The following TRAPPC9 variants were observed in gnomAD, a reference collection of about 807,000 sequenced individuals.
The protein encoded by TRAPPC9 is trafficking protein particle complex subunit 9.
Under a neutral mutation model 124.0 loss-of-function variants are expected in TRAPPC9, and 83 were observed. The observed-to-expected ratio is 0.67, with a 90% CI of 0.56 to 0.80. The LOEUF (loss-of-function observed/expected upper bound fraction) is 0.80. Ranked by LOEUF, TRAPPC9 falls within the 30% of genes least tolerant of loss-of-function variation. The probability of loss-of-function intolerance (pLI) is 0.00; values close to 1 mark genes in which losing one functional copy is unlikely to be tolerated. For synonymous variants in TRAPPC9, 638 were observed against 617.5 expected (o/e 1.03, Z -0.49); for missense variants, 1,302 against 1,508.3 (o/e 0.86, Z 2.27).
At position 140,451,323 on chromosome 8, in the gene TRAPPC9, G is replaced by A. The variant is rs764844525; in HGVS notation, c.51C>T (p.Leu17=). 1.7e-5 allele frequency: 28 copies of A among 1,607,078 alleles called. No individual in the cohort carries two copies. The East Asian group carries it at 3.3e-4, about 19-fold the overall frequency. ...CGATGCCCACAGGCTGGACCACCAC[G>A]AGCAGCGTCTGGTGGTCCTCAGCAC... The part of the protein sequence containing the change: ...MQCAEDHQTL[L]VVVQPVGIVS... The change falls in exon 2 of 23, where the codon CTC becomes CTT. Residue 17 remains leucine (L), a synonymous_variant. Transcript: ENST00000438773.
intron 21 of TRAPPC9, among the ~76,000 whole-genome samples, chr8:139,806,738 T>A (rs2130720347): frequency 6.6e-6 from 1 of 152,308 alleles, no homozygotes; most frequent in Non-Finnish European, 1.5e-5. Context: ...TTAAGAACCC[T>A]GATTCTCAAG....
At chr8:140,341,143 T>C (rs2067184269) in intron 9 of TRAPPC9, among the ~76,000 whole-genome samples, 1 of 152,128 alleles carries the variant, frequency 6.6e-6, no homozygotes, top group Admixed American at 6.5e-5. Context: ...AAAGACTACA[T>C]TCCAGCTGTC....
chr8:140,037,729 TACACACCCCACACAC>T (rs1250884972), intron 17 of TRAPPC9, among the ~76,000 whole-genome samples: 38 of 136,958 alleles, frequency 2.8e-4, no homozygotes, highest in African/African-American at 8.3e-4. Flanking sequence ...ACACACCCAA[TACACACCCCACACAC>T]ACACACCCCA....
intron 21 of TRAPPC9, among the ~76,000 whole-genome samples, chr8:139,849,903 C>T (rs1827336898): frequency 6.6e-6 from 1 of 152,196 alleles, no homozygotes; most frequent in African/African-American, 2.4e-5. Flanking sequence ...TGAAGGAGGC[C>T]CTGAGGTGGC....
At chr8:140,438,167 C>T (rs538466355) in intron 3 of TRAPPC9, among the ~76,000 whole-genome samples, 1 of 152,260 alleles carries the variant, frequency 6.6e-6, no homozygotes, top group South Asian at 2.1e-4. Flanking sequence ...TTCCCATTCC[C>T]CCTCCTCCCA....
intron 21 of TRAPPC9, among the ~76,000 whole-genome samples, chr8:139,831,329 G>A (rs945883402): frequency 6.6e-6 from 1 of 152,120 alleles, no homozygotes; most frequent in Non-Finnish European, 1.5e-5. Context: ...GGTGGAGAAG[G>A]TGGGCAAGAG....
At chr8:140,244,800 C>CTTTTTTTTT (rs1162364645) in intron 16 of TRAPPC9, among the ~76,000 whole-genome samples, 1 of 90,182 alleles carries the variant, frequency 1.1e-5, no homozygotes, top group Non-Finnish European at 1.9e-5. Flanking sequence ...TTTCCAATTC[C>CTTTTTTTTT]TTTTTTTTTT....
chr8:140,387,482 A>G (rs2068785153), intron 7 of TRAPPC9, among the ~76,000 whole-genome samples: 1 of 152,224 alleles, frequency 6.6e-6, no homozygotes, highest in African/African-American at 2.4e-5. Flanking sequence ...TCATCTGACA[A>G]AGGGCTAATA....
chr8:140,038,223 C>G (rs761006842), intron 17 of TRAPPC9, among the ~76,000 whole-genome samples: 1 of 152,120 alleles, frequency 6.6e-6, no homozygotes, highest in South Asian at 2.1e-4. Context: ...AGCTGATTCG[C>G]CGCAGTGCCT....
intron 17 of TRAPPC9, among the ~76,000 whole-genome samples, chr8:140,066,093 G>A (rs1309673894): frequency 6.6e-6 from 1 of 152,258 alleles, no homozygotes; most frequent in East Asian, 1.9e-4. Flanking sequence ...GAAAAGGTGT[G>A]TGGAAGAAGT....
intron 15 of TRAPPC9, among the ~76,000 whole-genome samples, chr8:140,273,459 C>A (rs1378408787): frequency 6.6e-6 from 1 of 152,176 alleles, no homozygotes; most frequent in Non-Finnish European, 1.5e-5. Context: ...GTTCCCTTAT[C>A]CTAGAGACAG....
intron 2 of TRAPPC9, among the ~76,000 whole-genome samples, chr8:140,443,966 G>A (rs1451400229): frequency 6.7e-6 from 1 of 149,776 alleles, no homozygotes; most frequent in East Asian, 2.0e-4. Flanking sequence ...AACCGGGGAG[G>A]CGGAGCTTGC....
chr8:139,919,309 C>T (rs1256655478), intron 19 of TRAPPC9, among the ~76,000 whole-genome samples: 4 of 152,236 alleles, frequency 2.6e-5, no homozygotes, highest in Middle Eastern at 3.4e-3. Flanking sequence ...CAGGGCTAGT[C>T]GGGATTTGGG....
intron 10 of TRAPPC9, among the ~76,000 whole-genome samples, chr8:140,308,038 G>C (rs1195953635): frequency 1.3e-5 from 2 of 152,078 alleles, no homozygotes; most frequent in Non-Finnish European, 2.9e-5. Flanking sequence ...TCTGGAAAAG[G>C]CTTTATAGAG....
At chr8:139,882,292 G>A (rs577162146) in intron 21 of TRAPPC9, among the ~76,000 whole-genome samples, 3 of 152,128 alleles carry the variant, frequency 2.0e-5, no homozygotes, top group Non-Finnish European at 2.9e-5. Context: ...GGTCCATGCC[G>A]CCCTGAGATG....
intron 17 of TRAPPC9, among the ~76,000 whole-genome samples, chr8:140,055,885 A>G (rs1842260825): frequency 6.6e-6 from 1 of 152,238 alleles, no homozygotes; most frequent in Non-Finnish European, 1.5e-5. Flanking sequence ...TCTCGTATTC[A>G]TAGATTGAAA....
intron 9 of TRAPPC9, among the ~76,000 whole-genome samples, chr8:140,331,247 C>T (rs7815745): frequency 0.64 from 97,765 of 151,916 alleles, 31,747 homozygotes; most frequent in African/African-American, 0.75. Context: ...ATAAATGGTG[C>T]TGGGAAAACT....
intron 20 of TRAPPC9, among the ~76,000 whole-genome samples, chr8:139,902,512 A>T (rs989896829): frequency 2.0e-5 from 3 of 152,226 alleles, no homozygotes; most frequent in African/African-American, 7.2e-5. Context: ...CAGATACAAA[A>T]TGCAACCCTG....
Position 140,341,384 on chromosome 8 carries a change from T to C in TRAPPC9, c.1495+18666A>G, listed in dbSNP as rs534606334. 4.3e-4 allele frequency among the ~76,000 whole-genome samples: 66 copies of C among 152,274 alleles called. 1 individual carries two copies. The South Asian group carries it at 0.011, about 26-fold the overall frequency. On this transcript the variant is annotated intron_variant, in intron 9 of 22. Coordinates refer to ENST00000438773, the MANE Select transcript of TRAPPC9 (RefSeq NM_001160372.4). The stretch of plus-strand genomic sequence containing the variant: ...TGTCTGCTTAACTTAGGGGCCTACA[T>C]AGCTGCCTGTTCCCATTCATGCCAT...
Sources: allele counts gnomAD v4.1 joint callset (sites outside exome capture counted in the v4.1 genomes callset), GRCh38; gene constraint gnomAD v4.1.1; transcripts MANE v1.5; gene names NCBI Gene and HGNC (gene_info 2026-07-23, HGNC 2026-07-21).